KIF26B: variants seen among roughly 807,000 people sequenced by gnomAD.
KIF26B encodes the protein kinesin family member 26B, also known as kinesin-like protein KIF26B.
In KIF26B, 63 loss-of-function variants were observed where a neutral mutation model predicts 151.2. That is an observed-to-expected ratio of 0.42 (90% CI 0.34 to 0.51). KIF26B has a LOEUF of 0.51. Ranked by LOEUF, KIF26B falls within the 20% of genes least tolerant of loss-of-function variation. The pLI is 0.07. For missense variants in KIF26B, 2,813 were observed against 2,913.6 expected, an observed-to-expected ratio of 0.97 and a Z score of 0.79; for synonymous variants, 1,357 against 1,262.1, an observed-to-expected ratio of 1.08 and a Z score of -1.59.
intron 2 of KIF26B, among the ~76,000 whole-genome samples, chr1:245,300,976 C>T (rs1322322958): frequency 3.4e-5 from 5 of 149,130 alleles, no homozygotes; most frequent in East Asian, 2.0e-4. Context: ...ATTACAGGTG[C>T]GCACCACCAC....
At chr1:245,370,046 AT>A (rs1375492803) in intron 3 of KIF26B, among the ~76,000 whole-genome samples, 17 of 152,324 alleles carry the variant, frequency 1.1e-4, no homozygotes, top group Admixed American at 4.6e-4. Context: ...CAAAAGTAAC[AT>A]ATTTGTTGTA....
intron 2 of KIF26B, among the ~76,000 whole-genome samples, chr1:245,288,051 A>AT (rs986152512): frequency 2.6e-5 from 4 of 151,610 alleles, no homozygotes; most frequent in African/African-American, 9.7e-5. Context: ...ATACCAAATT[A>AT]TTTTTTTTCA....
At chr1:245,270,247 C>CTTCCCTTCCTTCTTCCT (rs1334629042) in intron 2 of KIF26B, among the ~76,000 whole-genome samples, 1 of 123,464 alleles carries the variant, frequency 8.1e-6, no homozygotes, top group East Asian at 2.5e-4. Flanking sequence ...TTCCTTTCTT[C>CTTCCCTTCCTTCTTCCT]TTCCCTTCCT....
intron 2 of KIF26B, among the ~76,000 whole-genome samples, chr1:245,310,540 C>T (rs904383921): frequency 6.6e-6 from 1 of 152,220 alleles, no homozygotes; most frequent in African/African-American, 2.4e-5. Flanking sequence ...AAACGATGTG[C>T]TGTTTTCAAG....
intron 5 of KIF26B, among the ~76,000 whole-genome samples, chr1:245,584,432 T>G (rs1405570911): frequency 6.6e-6 from 1 of 152,230 alleles, no homozygotes; most frequent in Non-Finnish European, 1.5e-5. Flanking sequence ...GACCGTCTTA[T>G]CCAACTATAC....
intron 5 of KIF26B, among the ~76,000 whole-genome samples, chr1:245,548,934 G>A (rs1212512290): frequency 6.6e-6 from 1 of 151,984 alleles, no homozygotes; most frequent in Non-Finnish European, 1.5e-5. Flanking sequence ...TAGTAGAGGT[G>A]GGGTTTCACC....
chr1:245,474,258 G>A lies in KIF26B; in HGVS notation c.1166+54513G>A, dbSNP rs186360620. Among the ~76,000 whole-genome samples, 87 of 150,288 alleles carry A rather than the reference G, an allele frequency of 5.8e-4. 1 individual carries two copies. Among genetic ancestry groups the A allele is most frequent in the African/African-American group, 1.6e-3 (66 of 41,120 alleles). ...CGAGTGGCTGGGACTACAGGTGCCC[G>A]CCACCACATCTGGCTAATTTTTTGT... On this transcript the variant is annotated intron_variant, in intron 4 of 14. Transcript: ENST00000407071.
chr1:245,561,341 C>T (rs948645853), intron 5 of KIF26B, among the ~76,000 whole-genome samples: 4 of 152,182 alleles, frequency 2.6e-5, no homozygotes, highest in African/African-American at 9.7e-5. Flanking sequence ...TGTACCTCCC[C>T]TCTTCCCTGG....
chr1:245,642,735 C>A (rs1219344660), intron 9 of KIF26B, among the ~76,000 whole-genome samples: 1 of 152,046 alleles, frequency 6.6e-6, no homozygotes, highest in Non-Finnish European at 1.5e-5. Context: ...GAGACAGATA[C>A]TGAAGGGGTC....
At chr1:245,534,245 C>T (rs1452398615) in intron 4 of KIF26B, among the ~76,000 whole-genome samples, 1 of 152,028 alleles carries the variant, frequency 6.6e-6, no homozygotes, top group African/African-American at 2.4e-5. Context: ...TCACTGCAAC[C>T]TCTGCCTCCC....
At chr1:245,565,201 G>A (rs577558862) in intron 5 of KIF26B, among the ~76,000 whole-genome samples, 5 of 152,198 alleles carry the variant, frequency 3.3e-5, no homozygotes, top group South Asian at 2.1e-4. Context: ...ATTTTATAGC[G>A]CTGTCAGGAA....
intron 5 of KIF26B, among the ~76,000 whole-genome samples, chr1:245,590,905 CAAAAAAAAGA>C (rs1475939203): frequency 2.1e-5 from 2 of 93,854 alleles, no homozygotes; most frequent in African/African-American, 8.4e-5. Context: ...GATCCTGTCT[CAAAAAAAAGA>C]AAAAAAAAAA....
intron 4 of KIF26B, among the ~76,000 whole-genome samples, chr1:245,496,572 G>A (rs575427214): frequency 2.6e-4 from 40 of 151,864 alleles, no homozygotes; most frequent in Non-Finnish European, 4.1e-4. Flanking sequence ...TGCATAAAAG[G>A]GAAAATAGAA....
At chr1:245,180,911 C>T (rs1225912694) in intron 2 of KIF26B, among the ~76,000 whole-genome samples, 4 of 152,126 alleles carry the variant, frequency 2.6e-5, no homozygotes, top group African/African-American at 9.7e-5. Flanking sequence ...TCACAGTCCA[C>T]TGTAACCTTG....
chr1:245,660,761 C>G (rs750238174), intron 10 of KIF26B, among the ~76,000 whole-genome samples: 2 of 152,184 alleles, frequency 1.3e-5, no homozygotes, highest in Non-Finnish European at 2.9e-5. Flanking sequence ...TCCTCAAGTT[C>G]TGGTAATGAC....
chr1:245,619,603 C>CAAAAAAAAAAAAAAA (rs34022501), intron 9 of KIF26B, among the ~76,000 whole-genome samples: 9 of 110,758 alleles, frequency 8.1e-5, no homozygotes, highest in Non-Finnish European at 1.1e-4. Flanking sequence ...GAAACTGTTT[C>CAAAAAAAAAAAAAAA]AAAAAAAAAA....
At chr1:245,412,510 T>C (rs897603320) in intron 3 of KIF26B, among the ~76,000 whole-genome samples, 6 of 152,236 alleles carry the variant, frequency 3.9e-5, no homozygotes, top group Admixed American at 3.9e-4. Context: ...ACGCCCATGC[T>C]GACACACTCT....
chr1:245,686,211 C>G lies in KIF26B; in HGVS notation c.3228C>G (p.Thr1076=), dbSNP rs2044515419. The G allele has an allele frequency of 6.2e-6, 10 of 1,612,704 alleles. No individual in the cohort carries two copies. The highest frequency in any genetic ancestry group is 7.6e-6 in the Non-Finnish European group (9 of 1,179,904). The change falls in exon 12 of 15, where the codon ACC becomes ACG. Residue 1076 remains threonine (T), a synonymous_variant. Transcript: ENST00000407071. This position sits in a 1 kb window ranked among gnomAD's most constrained non-coding sequence, Gnocchi z 5.6. ...TGGGCATCGCCAGCCTGTCCAAGAC[C>G]TCGGAGTACAAGCCACCCAGCTCTC... ...PRLGIASLSK[T]SEYKPPSSPS...
rs776405442 is a variant in KIF26B at position 245,703,149 on chromosome 1, G to GTGTT, written c.*545_*548dup. The stretch of plus-strand genomic sequence containing the variant: ...TGTATTCACAGCTCTTTTTCTCTTG[G>GTGTT]TGTTTTATCCTATTTCTGACTTGCT... On this transcript the variant is annotated 3_prime_UTR_variant, in exon 15 of 15. Transcript: ENST00000407071. 2.6e-5 allele frequency: 4 copies of GTGTT among 152,822 alleles called. No individual in the cohort carries two copies. The highest frequency in any genetic ancestry group is 2.1e-4 in the South Asian group (1 of 4,826). The allele number at this position is 152,822 out of a possible 1,614,324, so 9.5% of individuals were successfully genotyped here. A position where few individuals can be genotyped will look rare whatever the true frequency, so the allele number is the denominator to read the frequency against.
Sources: gnomAD v4.1 joint callset for allele counts (sites outside exome capture counted in the v4.1 genomes callset) on GRCh38, gnomAD v4.1.1 for gene constraint, Gnocchi (gnomAD v3.1) non-coding constraint, MANE v1.5 for transcripts, NCBI Gene and HGNC (gene_info 2026-07-23, HGNC 2026-07-21) for gene names.